CACNA2D3: variants seen among roughly 807,000 people sequenced by gnomAD.
CACNA2D3 encodes voltage-dependent calcium channel subunit alpha-2/delta-3.
In CACNA2D3, 60 loss-of-function variants were observed where a neutral mutation model predicts 160.6. That is an observed-to-expected ratio of 0.37 (90% CI 0.30 to 0.46). The LOEUF (loss-of-function observed/expected upper bound fraction) is 0.46. CACNA2D3 is among the 20% of genes least tolerant of loss of function. The pLI is 1.00. For missense variants in CACNA2D3, 1,205 were observed against 1,365.0 expected, an observed-to-expected ratio of 0.88 and a Z score of 1.85; for synonymous variants, 558 against 492.9, an observed-to-expected ratio of 1.13 and a Z score of -1.75.
chr3:54,761,348 G>A (rs1005371956), intron 12 of CACNA2D3, among the ~76,000 whole-genome samples: 1 of 152,176 alleles, frequency 6.6e-6, no homozygotes, highest in Non-Finnish European at 1.5e-5. Flanking sequence ...TACCATGGTA[G>A]CACCCCTCTT....
At chr3:54,810,511 GA>G (rs1371454621) in intron 13 of CACNA2D3, among the ~76,000 whole-genome samples, 2 of 152,094 alleles carry the variant, frequency 1.3e-5, no homozygotes, top group Non-Finnish European at 2.9e-5. Context: ...CATCCACAGG[GA>G]AAAAAATGAA....
chr3:54,814,803 C>A (rs1170270704), intron 13 of CACNA2D3, among the ~76,000 whole-genome samples: 2 of 152,040 alleles, frequency 1.3e-5, no homozygotes, highest in Non-Finnish European at 2.9e-5. Context: ...TCCTGCTCAA[C>A]AAAGATAAAA....
chr3:54,906,659 G>A (rs573963405), intron 27 of CACNA2D3, among the ~76,000 whole-genome samples: 1 of 152,328 alleles, frequency 6.6e-6, no homozygotes, highest in East Asian at 1.9e-4. Context: ...TGATGAGTAG[G>A]TGGGTAGCTG....
chr3:54,985,628 G>C (rs1056749903), intron 30 of CACNA2D3, among the ~76,000 whole-genome samples: 2 of 152,104 alleles, frequency 1.3e-5, no homozygotes, highest in Admixed American at 6.5e-5. Context: ...TCAAATATTT[G>C]AGTATACTAA....
chr3:54,153,538 C>G (rs1024257075), intron 2 of CACNA2D3, among the ~76,000 whole-genome samples: 3 of 152,098 alleles, frequency 2.0e-5, no homozygotes, highest in Non-Finnish European at 4.4e-5. Context: ...CAAATGTGGC[C>G]TCAGGGAATT....
chr3:54,916,520 A>G (rs1387668293), intron 27 of CACNA2D3, among the ~76,000 whole-genome samples: 2 of 152,202 alleles, frequency 1.3e-5, no homozygotes, highest in Non-Finnish European at 2.9e-5. Context: ...GAAAAAAATT[A>G]CCATCGAAAT....
At chr3:54,881,212 C>A (rs1699788532) in intron 21 of CACNA2D3, among the ~76,000 whole-genome samples, 1 of 152,124 alleles carries the variant, frequency 6.6e-6, no homozygotes, top group South Asian at 2.1e-4. Flanking sequence ...TCTTCTCATA[C>A]ATAAAAATCA....
intron 11 of CACNA2D3, among the ~76,000 whole-genome samples, chr3:54,685,239 A>G (rs932482632): frequency 3.3e-5 from 5 of 152,246 alleles, no homozygotes; most frequent in African/African-American, 7.2e-5. Flanking sequence ...AAACCGTTCA[A>G]TTGAATGAAT....
At chr3:54,804,937 G>T (rs950905926) in intron 13 of CACNA2D3, among the ~76,000 whole-genome samples, 18 of 152,280 alleles carry the variant, frequency 1.2e-4, no homozygotes, top group African/African-American at 4.1e-4. Flanking sequence ...TGAACAACCT[G>T]CTCCTGAATG....
Position 54,891,400 on chromosome 3 carries a change from G to A in CACNA2D3, c.2196G>A (p.Thr732=), listed in dbSNP as rs570114067. Residue 732 remains threonine, a synonymous_variant, in exon 25 of 38, where the codon ACG becomes ACA. Coordinates refer to ENST00000474759, the MANE Select transcript of CACNA2D3 (RefSeq NM_018398.3). ...AGGTTGCCTTCCTCGGCACTCGCACGGGCCTCTCCAGAATCAACCTGTTTG... is the reference window on the plus strand; with the variant it reads ...AGGTTGCCTTCCTCGGCACTCGCACAGGCCTCTCCAGAATCAACCTGTTTG... The part of the protein sequence containing the change: ...GVEVAFLGTR[T]GLSRINLFVG... 13 of 1,613,858 alleles carry A rather than the reference G, an allele frequency of 8.1e-6. No individual in the cohort carries two copies. Among genetic ancestry groups the A allele is most frequent in the African/African-American group, 4.0e-5 (3 of 75,000 alleles).
chr3:54,328,525 G>A (rs1049974006), intron 3 of CACNA2D3, among the ~76,000 whole-genome samples: 1 of 151,862 alleles, frequency 6.6e-6, no homozygotes, highest in Non-Finnish European at 1.5e-5. Context: ...CAGGTGATCT[G>A]CCCACCTCGG....
chr3:54,846,970 A>G lies in CACNA2D3; in HGVS notation c.1626+503A>G, dbSNP rs150100961. 2.0e-4 allele frequency among the ~76,000 whole-genome samples: 30 copies of G among 152,376 alleles called. 1 individual carries two copies. In the East Asian group the frequency reaches 5.8e-3, roughly 29 times the overall value. ...AGCTATTCAACAGCTTTTTTGTTAA[A>G]TCAGGGCAGCTGAGATTTTTCTCTG... On this transcript the variant is annotated intron_variant, in intron 17 of 37. Transcript: ENST00000474759.
At chr3:54,739,713 C>T (rs941891352) in intron 11 of CACNA2D3, among the ~76,000 whole-genome samples, 2 of 150,112 alleles carry the variant, frequency 1.3e-5, no homozygotes, top group East Asian at 2.0e-4. Context: ...GGTGCAGTAG[C>T]GACCCAGTTC....
chr3:54,641,828 C>G (rs1484876302), intron 10 of CACNA2D3, among the ~76,000 whole-genome samples: 2 of 152,214 alleles, frequency 1.3e-5, no homozygotes, highest in Non-Finnish European at 1.5e-5. Flanking sequence ...ACCCTTCCCC[C>G]ACTTCCTGGC....
At chr3:54,477,654 A>G (rs1458638084) in intron 4 of CACNA2D3, among the ~76,000 whole-genome samples, 1 of 152,114 alleles carries the variant, frequency 6.6e-6, no homozygotes, top group Non-Finnish European at 1.5e-5. Context: ...GATTTAAGTC[A>G]TCATGATCTC....
intron 11 of CACNA2D3, among the ~76,000 whole-genome samples, chr3:54,745,664 T>A (rs1250066154): frequency 1.3e-5 from 2 of 152,188 alleles, no homozygotes; most frequent in East Asian, 3.9e-4. Flanking sequence ...CTGTATGTAA[T>A]CTCGTGTTCC....
chr3:54,604,380 C>T (rs1477148499), intron 9 of CACNA2D3, among the ~76,000 whole-genome samples: 2 of 152,194 alleles, frequency 1.3e-5, no homozygotes, highest in East Asian at 1.9e-4. Context: ...CTCACACTGC[C>T]AACCCTGATC....
rs111425021 is a variant in CACNA2D3 at position 54,512,792 on chromosome 3, C to A, written c.544+9138C>A. On this transcript the variant is annotated intron_variant, in intron 5 of 37. Transcript: ENST00000474759. ...ATGTCAGTGAAAGGCTGTAGGGCTT[C>A]GTATTAGTCTGTTTTCATACTGCTG... Among the ~76,000 whole-genome samples the A allele has an allele frequency of 3.8e-3, 582 of 152,258 alleles. 5 individuals carry two copies. The highest frequency in any genetic ancestry group is 0.013 in the African/African-American group (547 of 41,538).
At chr3:55,041,296 G>T (rs1037849921) in intron 35 of CACNA2D3, among the ~76,000 whole-genome samples, 1 of 152,068 alleles carries the variant, frequency 6.6e-6, no homozygotes, top group Non-Finnish European at 1.5e-5. Context: ...GGGATTGCTG[G>T]GTGAAAGGGT....
Sources: gnomAD v4.1 joint callset for allele counts (sites outside exome capture counted in the v4.1 genomes callset) on GRCh38, gnomAD v4.1.1 for gene constraint, MANE v1.5 for transcripts, NCBI Gene and HGNC (gene_info 2026-07-23, HGNC 2026-07-21) for gene names.